The following ADORA2B variants were observed in gnomAD, a reference collection of about 807,000 sequenced individuals.
ADORA2B encodes adenosine A2b receptor.
Under a neutral mutation model 20.8 loss-of-function variants are expected in ADORA2B, and 18 were observed. That is an observed-to-expected ratio of 0.87 (90% confidence interval 0.60 to 1.29). The LOEUF is 1.29. ADORA2B is among the 50% of genes most tolerant of loss of function. The pLI is 0.00. For synonymous variants in ADORA2B, 179 were observed against 178.3 expected, an observed-to-expected ratio of 1.00 and a Z score of -0.03; for missense variants, 441 against 422.7, an observed-to-expected ratio of 1.04 and a Z score of -0.38.
intron 1 of ADORA2B, among the ~76,000 whole-genome samples, chr17:15,962,183 A>G (rs1014222837): frequency 6.6e-6 from 1 of 152,084 alleles, no homozygotes; most frequent in Non-Finnish European, 1.5e-5. Flanking sequence ...GGCACCTGTA[A>G]TCCCAGCTAC....
At chr17:15,869,364 C>T in the ADORA2B span, among the ~76,000 whole-genome samples, 1 of 150,800 alleles carries the variant, frequency 6.6e-6, no homozygotes, top group African/African-American at 2.4e-5. Context: ...TGAAGCAAAA[C>T]AATAAAGTAG....
the ADORA2B span, among the ~76,000 whole-genome samples, chr17:15,882,695 A>G: frequency 5.3e-5 from 8 of 152,224 alleles, no homozygotes; most frequent in Non-Finnish European, 7.3e-5. Flanking sequence ...ATATAAATAG[A>G]AATACTAGAT....
intron 1 of ADORA2B, among the ~76,000 whole-genome samples, chr17:15,966,884 C>G (rs1188334635): frequency 2.0e-5 from 3 of 152,246 alleles, no homozygotes; most frequent in Admixed American, 2.0e-4. Context: ...TGTCCTGCTT[C>G]CCTGGCCTCA....
chr17:15,945,817 C>T (rs1969796908), intron 1 of ADORA2B, among the ~76,000 whole-genome samples: 1 of 152,164 alleles, frequency 6.6e-6, no homozygotes, highest in African/African-American at 2.4e-5. Flanking sequence ...GTAGGGACAG[C>T]TCTAGGGGGT....
At chr17:15,923,966 G>A in the ADORA2B span, among the ~76,000 whole-genome samples, 1 of 152,098 alleles carries the variant, frequency 6.6e-6, no homozygotes, top group Non-Finnish European at 1.5e-5. Flanking sequence ...AGGCTGGAGC[G>A]CAATGGCGTG....
At chr17:15,867,586 C>T in the ADORA2B span, among the ~76,000 whole-genome samples, 35 of 149,474 alleles carry the variant, frequency 2.3e-4, no homozygotes, top group Admixed American at 1.9e-3. Flanking sequence ...GGGTCAGCCC[C>T]CCGCCCGGCC....
the ADORA2B span, among the ~76,000 whole-genome samples, chr17:15,853,834 A>G: frequency 3.3e-5 from 5 of 152,226 alleles, no homozygotes; most frequent in Non-Finnish European, 7.3e-5. Flanking sequence ...TTCGATACCT[A>G]ATTCTTGCAA....
intron 1 of ADORA2B, among the ~76,000 whole-genome samples, chr17:15,969,465 T>C (rs1450559332): frequency 6.6e-6 from 1 of 151,876 alleles, no homozygotes; most frequent in Non-Finnish European, 1.5e-5. Context: ...AATAAATAAA[T>C]AAAATAATAA....
intron 1 of ADORA2B, among the ~76,000 whole-genome samples, chr17:15,951,382 A>G (rs1212438388): frequency 6.6e-6 from 1 of 152,168 alleles, no homozygotes. Flanking sequence ...TCCTGGTCCC[A>G]TGCACAGGCC....
the ADORA2B span, among the ~76,000 whole-genome samples, chr17:15,936,273 T>C: frequency 1.3e-5 from 2 of 152,280 alleles, no homozygotes; most frequent in African/African-American, 4.8e-5. Flanking sequence ...GTGAGACATC[T>C]TTCTTTCAAT....
the ADORA2B span, among the ~76,000 whole-genome samples, chr17:15,933,250 T>C: frequency 1.3e-5 from 2 of 152,180 alleles, no homozygotes; most frequent in African/African-American, 2.4e-5. Flanking sequence ...CCACTGCGCC[T>C]GGCCTTGTTT....
chr17:15,918,218 G>A, the ADORA2B span, among the ~76,000 whole-genome samples: 2 of 152,038 alleles, frequency 1.3e-5, no homozygotes, highest in African/African-American at 2.4e-5. Flanking sequence ...TCATGACCTG[G>A]TCACCTCCCC....
At chr17:15,925,116 A>C in the ADORA2B span, among the ~76,000 whole-genome samples, 1 of 151,556 alleles carries the variant, frequency 6.6e-6, no homozygotes, top group African/African-American at 2.4e-5. Flanking sequence ...GCTCACAGCA[A>C]CCTCCACCTC....
At chr17:15,937,911 T>C in the ADORA2B span, among the ~76,000 whole-genome samples, 3 of 152,226 alleles carry the variant, frequency 2.0e-5, no homozygotes, top group South Asian at 6.2e-4. Context: ...GGACATGTCA[T>C]TTTTTAGTTT....
the ADORA2B span, among the ~76,000 whole-genome samples, chr17:15,882,770 C>G: frequency 2.0e-5 from 3 of 151,756 alleles, no homozygotes; most frequent in Non-Finnish European, 2.9e-5. Flanking sequence ...AACGTGTCCT[C>G]CTTCTGGAGA....
chr17:15,863,922 A>G, the ADORA2B span: 1 of 152,236 alleles, frequency 6.6e-6, no homozygotes, highest in East Asian at 1.9e-4. Flanking sequence ...AATGTAACTA[A>G]TGTGGTTGTT....
the ADORA2B span, among the ~76,000 whole-genome samples, chr17:15,879,789 G>A: frequency 6.0e-5 from 9 of 150,132 alleles, no homozygotes; most frequent in African/African-American, 2.0e-4. Context: ...CGCCTGCCTC[G>A]GCCTCCCAAG....
chr17:15,897,746 A>G, the ADORA2B span, among the ~76,000 whole-genome samples: 1 of 152,216 alleles, frequency 6.6e-6, no homozygotes, highest in Non-Finnish European at 1.5e-5. Flanking sequence ...CAGAAATAAC[A>G]GTGAGATATA....
chr17:15,918,705 C>T, the ADORA2B span, among the ~76,000 whole-genome samples: 51 of 152,216 alleles, frequency 3.4e-4, no homozygotes, highest in East Asian at 9.3e-3. Context: ...CTCCTGACCT[C>T]GTGATCTACC....
Sources: gnomAD v4.1 joint callset for allele counts (sites outside exome capture counted in the v4.1 genomes callset) on GRCh38, gnomAD v4.1.1 for gene constraint, MANE v1.5 for transcripts, NCBI Gene and HGNC (gene_info 2026-07-23, HGNC 2026-07-21) for gene names.